AKT1: variants seen among roughly 807,000 people sequenced by gnomAD.
AKT1 encodes the protein RAC-alpha serine/threonine-protein kinase.
A neutral mutation model predicts 63.1 loss-of-function variants in AKT1; 21 were observed. That is an observed-to-expected ratio of 0.33 (90% CI 0.24 to 0.48). AKT1 has a LOEUF of 0.48. Ranked by LOEUF, AKT1 falls within the 20% of genes least tolerant of loss-of-function variation. AKT1 has a pLI of 0.99. For synonymous variants in AKT1, 257 were observed against 253.1 expected, an observed-to-expected ratio of 1.02 and a Z score of -0.15; for missense variants, 382 against 666.0, an observed-to-expected ratio of 0.57 and a Z score of 4.69.
At chr14:104,787,478 C>G (rs942876671) in intron 3 of AKT1, among the ~76,000 whole-genome samples, 1 of 152,202 alleles carries the variant, frequency 6.6e-6, no homozygotes, top group African/African-American at 2.4e-5. Context: ...CCAGTCTCAG[C>G]TATGGGAGGG....
chr14:104,776,443 G>A (rs543315178), intron 5 of AKT1: 12 of 506,838 alleles, frequency 2.4e-5, no homozygotes, highest in South Asian at 1.3e-4. Context: ...CACTGCACCC[G>A]GTCCCTAGCC....
chr14:104,775,359 G>T (rs974339108), intron 6 of AKT1, 152 bp from the exon 7 acceptor site: 17 of 1,398,848 alleles, frequency 1.2e-5, no homozygotes, highest in Non-Finnish European at 1.6e-5. Flanking sequence ...TCAGCGGGGA[G>T]TCCAGGCTTA....
At chr14:104,793,040 C>T (rs1218322319) in intron 2 of AKT1, 87 bp downstream of exon 2, 3 of 342,766 alleles carry the variant, frequency 8.8e-6, no homozygotes, top group African/African-American at 2.1e-5. Flanking sequence ...CTGAGAGCTG[C>T]TGCCTTGCTC....
chr14:104,776,261 C>T (rs1016111729), intron 5 of AKT1: 1 of 203,806 alleles, frequency 4.9e-6, no homozygotes, highest in African/African-American at 2.3e-5. Context: ...ATTCTTGTGC[C>T]TCAGCCTCCC....
chr14:104,775,915 G>C, intron 5 of AKT1, 116 bp from the exon 6 acceptor site: 4 of 1,341,790 alleles, frequency 3.0e-6, no homozygotes, highest in Admixed American at 2.2e-5. Context: ...GGTTCCCAGA[G>C]ACAGCCCTGA....
At chr14:104,780,065 C>A (rs143315363) in intron 4 of AKT1, 23 bp downstream of exon 4, 1 of 1,609,544 alleles carries the variant, frequency 6.2e-7, no homozygotes, top group Non-Finnish European at 8.5e-7. Flanking sequence ...ATCTGAATCC[C>A]GAGAGGCCAA....
intron 3 of AKT1, among the ~76,000 whole-genome samples, chr14:104,792,035 C>T (rs547545927): frequency 6.6e-6 from 1 of 152,168 alleles, no homozygotes; most frequent in East Asian, 1.9e-4. Flanking sequence ...TGGCCAGGCC[C>T]CTCGGGCAGC....
Position 104,773,811 on chromosome 14 carries a change from G to A in AKT1, c.702+101C>T, listed in dbSNP as rs558533566. ...CACCACCCACCCAGCAGGGAGCACC[G>A]TCTGGTGCCATGGAGAGTAGCCGAG... On this transcript the variant is annotated intron_variant, in intron 9 of 14. Coordinates refer to ENST00000649815, the MANE Select transcript of AKT1 (RefSeq NM_001382430.1). 67 of 1,319,506 alleles carry A rather than the reference G, an allele frequency of 5.1e-5. No individual in the cohort carries two copies. The South Asian group carries it at 7.6e-4, about 15-fold the overall frequency. 81.7% of individuals were successfully genotyped at this position (1,319,506 alleles called of 1,614,324 possible). A position where few individuals can be genotyped will look rare whatever the true frequency, so the allele number is the denominator to read the frequency against.
At chr14:104,781,084 C>T (rs867459598) in intron 3 of AKT1, among the ~76,000 whole-genome samples, 7 of 152,268 alleles carry the variant, frequency 4.6e-5, no homozygotes, top group African/African-American at 1.7e-4. Context: ...ACTTCAGAAT[C>T]AGAGCAGCTG....
chr14:104,789,527 G>A (rs1261078613), intron 3 of AKT1, among the ~76,000 whole-genome samples: 1 of 152,268 alleles, frequency 6.6e-6, no homozygotes, highest in Non-Finnish European at 1.5e-5. Context: ...GAAAACTGCA[G>A]GCTGGAGGCC....
chr14:104,782,638 G>T (rs1357484155), intron 3 of AKT1, among the ~76,000 whole-genome samples: 3 of 152,168 alleles, frequency 2.0e-5, no homozygotes, highest in Non-Finnish European at 4.4e-5. Context: ...GCCCAAATGG[G>T]CCCTGGGCTT....
intron 3 of AKT1, among the ~76,000 whole-genome samples, chr14:104,781,521 G>A (rs1893039394): frequency 6.6e-6 from 1 of 152,158 alleles, no homozygotes; most frequent in Admixed American, 6.5e-5. Flanking sequence ...CTACTTTCCA[G>A]GGAGCCACGG....
intron 1 of AKT1, chr14:104,793,562 G>A (rs1893733144): frequency 5.7e-6 from 1 of 175,844 alleles, no homozygotes; most frequent in African/African-American, 2.4e-5. Context: ...GTCCGTCAGT[G>A]AGGAGCACCC....
At chr14:104,790,680 C>A (rs1316049989) in intron 3 of AKT1, among the ~76,000 whole-genome samples, 1 of 152,198 alleles carries the variant, frequency 6.6e-6, no homozygotes, top group African/African-American at 2.4e-5. Context: ...TCCTCAGCGC[C>A]CACTACACTG....
In AKT1 at chr14:104,795,003, C is replaced by T. The variant is rs1466396286; in HGVS notation, c.-258+481G>A. On this transcript the variant is annotated intron_variant, in intron 1 of 14. Transcript: ENST00000649815. The surrounding 1 kb of genome is among the most constrained non-coding windows in gnomAD (Gnocchi z 5.1). ...TGTGGCTAGCCTGGGTACCCCGCCA[C>T]CACGTACAACTTTTCGTCCGTGGGA... The T allele has an allele frequency of 1.3e-5, 2 of 152,256 alleles. No individual in the cohort carries two copies. Among genetic ancestry groups the T allele is most frequent in the Non-Finnish European group, 2.9e-5 (2 of 68,034 alleles). The allele number at this position is 152,256 out of a possible 1,614,324, so 9.4% of individuals were successfully genotyped here.
At chr14:104,788,791 C>T (rs2140992128) in intron 3 of AKT1, among the ~76,000 whole-genome samples, 1 of 152,306 alleles carries the variant, frequency 6.6e-6, no homozygotes, top group South Asian at 2.1e-4. Flanking sequence ...ACCGGGACGC[C>T]TGGGGCTAAC....
intron 3 of AKT1, among the ~76,000 whole-genome samples, chr14:104,786,599 T>A (rs1168269838): frequency 6.6e-6 from 1 of 152,130 alleles, no homozygotes. Context: ...AGGGACCTCG[T>A]CCTCCACACC....
chr14:104,778,537 G>T lies in AKT1; in HGVS notation c.175+1551C>A, dbSNP rs578236855. On this transcript the variant is annotated intron_variant, in intron 4 of 14. Transcript: ENST00000649815. ...CCTGGTAAACCCCACCCCAACCCCA[G>T]CCCCTCAGCCTGGGGCTTTGCAGGG... is the stretch of plus-strand genomic sequence containing the variant. 6 of 152,290 alleles carry T rather than the reference G, an allele frequency of 3.9e-5. No homozygotes were observed. In the East Asian group the frequency reaches 1.2e-3, roughly 29 times the overall value. The allele number at this position is 152,290 out of a possible 1,614,324, so 9.4% of individuals were successfully genotyped here. A position where few individuals can be genotyped will look rare whatever the true frequency, so the allele number is the denominator to read the frequency against.
intron 3 of AKT1, among the ~76,000 whole-genome samples, chr14:104,781,618 A>C (rs554623116): frequency 3.9e-4 from 60 of 152,224 alleles, no homozygotes; most frequent in South Asian, 1.7e-3. Context: ...CCCCGGCCCC[A>C]GCTGCCCAAT....
Sources: gnomAD v4.1 joint callset for allele counts (sites outside exome capture counted in the v4.1 genomes callset) on GRCh38, gnomAD v4.1.1 for gene constraint, Gnocchi (gnomAD v3.1) non-coding constraint, MANE v1.5 for transcripts, NCBI Gene and HGNC (gene_info 2026-07-23, HGNC 2026-07-21) for gene names.